NAV2: variants seen among roughly 807,000 people sequenced by gnomAD.
The protein encoded by NAV2 is neuron navigator 2.
NAV2 carries 54 observed loss-of-function variants against 223.2 expected under a neutral mutation model. The observed-to-expected ratio is 0.24, with a 90% confidence interval of 0.19 to 0.30. NAV2 has a LOEUF of 0.30. Ranked by LOEUF, NAV2 falls within the 10% of genes least tolerant of loss-of-function variation. NAV2 has a pLI of 1.00. For synonymous variants in NAV2, 1,279 were observed against 1,239.3 expected (o/e 1.03, Z -0.67); for missense variants, 2,806 against 3,147.5 (o/e 0.89, Z 2.60).
In NAV2 at chr11:19,763,938, G is replaced by A. The variant is rs557471604; in HGVS notation, c.267+49976G>A. On this transcript the variant is annotated intron_variant, in intron 1 of 37. Coordinates refer to ENST00000349880, the MANE Select transcript of NAV2 (RefSeq NM_145117.5). Reference sequence around the variant, plus strand: ...ATCTCTCTATCCATGGAGACCCCTCGGGTTAAAAATCCCAGTTAGTGGGTC... The same window carrying A: ...ATCTCTCTATCCATGGAGACCCCTCAGGTTAAAAATCCCAGTTAGTGGGTC... 2.0e-5 allele frequency among the ~76,000 whole-genome samples: 3 copies of A among 151,998 alleles called. No homozygotes were observed. In the East Asian group the frequency reaches 5.8e-4, roughly 29 times the overall value.
In NAV2 at chr11:20,047,506, A is replaced by T. The variant is rs554168232; in HGVS notation, c.3903-1222A>T. On this transcript the variant is annotated intron_variant, in intron 14 of 37. Transcript: ENST00000349880. ...GAGGAGCAATATGCAAAAGTCAGAA[A>T]AAAAAGTGGATGAGATTTGGGTTTC... Among the ~76,000 whole-genome samples, 10 of 152,344 alleles carry T rather than the reference A, an allele frequency of 6.6e-5. No individual in the cohort carries two copies. In the South Asian group the frequency reaches 2.1e-3, roughly 32 times the overall value.
At chr11:19,521,321 G>A (rs2043647915) in intron 1 of NAV2, among the ~76,000 whole-genome samples, 1 of 152,162 alleles carries the variant, frequency 6.6e-6, no homozygotes, top group African/African-American at 2.4e-5. Flanking sequence ...GGACCCAGAG[G>A]CCAGTCCCCA....
At chr11:19,384,266 T>G (rs1161155939) in intron 1 of NAV2, among the ~76,000 whole-genome samples, 1 of 152,250 alleles carries the variant, frequency 6.6e-6, no homozygotes, top group Non-Finnish European at 1.5e-5. Flanking sequence ...TTGTGTATTT[T>G]TCTTCTTTGG....
At chr11:20,070,025 G>A (rs1015957733) in intron 22 of NAV2, among the ~76,000 whole-genome samples, 11 of 152,012 alleles carry the variant, frequency 7.2e-5, no homozygotes, top group Admixed American at 3.9e-4. Flanking sequence ...AAACCCTAAC[G>A]TAGGAGACCA....
intron 32 of NAV2, 101 bp downstream of exon 32, chr11:20,101,273 C>T: frequency 1.0e-6 from 1 of 974,526 alleles, no homozygotes; most frequent in South Asian, 1.7e-5. Context: ...ATCAACAATC[C>T]TTGGGTGGTT....
At chr11:19,465,137 C>A (rs373261705) in intron 1 of NAV2, among the ~76,000 whole-genome samples, 1 of 152,180 alleles carries the variant, frequency 6.6e-6, no homozygotes, top group South Asian at 2.1e-4. Context: ...TACAGGGGAG[C>A]CTGGGAAACC....
At chr11:20,090,622 TCTAA>T (rs1397422278) in intron 26 of NAV2, among the ~76,000 whole-genome samples, 8 of 151,896 alleles carry the variant, frequency 5.3e-5, no homozygotes, top group African/African-American at 1.5e-4. Context: ...TAAATAATAA[TCTAA>T]CTATATTAAC....
At chr11:19,885,363 A>G (rs983016764) in intron 5 of NAV2, among the ~76,000 whole-genome samples, 1 of 152,214 alleles carries the variant, frequency 6.6e-6, no homozygotes, top group East Asian at 1.9e-4. Context: ...CAATTCTGGT[A>G]TCTCTGTGGT....
intron 1 of NAV2, among the ~76,000 whole-genome samples, chr11:19,754,162 G>A (rs749532059): frequency 6.6e-6 from 1 of 152,068 alleles, no homozygotes; most frequent in Non-Finnish European, 1.5e-5. Context: ...GGCCATTTGA[G>A]CTTTTCAATG....
At chr11:19,750,831 A>C (rs938935738) in intron 1 of NAV2, among the ~76,000 whole-genome samples, 25 of 152,202 alleles carry the variant, frequency 1.6e-4, no homozygotes, top group Non-Finnish European at 4.4e-5. Flanking sequence ...ATCCTTATTG[A>C]GTCGGCATTG....
At chr11:19,898,723 C>T (rs1344306233) in intron 6 of NAV2, among the ~76,000 whole-genome samples, 8 of 152,120 alleles carry the variant, frequency 5.3e-5, no homozygotes, top group East Asian at 1.9e-4. Flanking sequence ...TTCCTTAATA[C>T]TTCCAAATTT....
chr11:19,579,459 A>T (rs1754483621), intron 1 of NAV2, among the ~76,000 whole-genome samples: 1 of 152,146 alleles, frequency 6.6e-6, no homozygotes, highest in African/African-American at 2.4e-5. Context: ...AAGGGCCCTG[A>T]CAGTCATGGG....
chr11:19,369,917 C>A (rs1848414923), intron 1 of NAV2, among the ~76,000 whole-genome samples: 1 of 152,172 alleles, frequency 6.6e-6, no homozygotes, highest in African/African-American at 2.4e-5. Context: ...GGCTCTAAGA[C>A]CTGGTACAGG....
intron 1 of NAV2, among the ~76,000 whole-genome samples, chr11:19,661,332 G>T (rs908904769): frequency 2.6e-5 from 4 of 151,958 alleles, no homozygotes; most frequent in African/African-American, 9.7e-5. Flanking sequence ...ACCACATTTG[G>T]TGTATCCATT....
chr11:19,455,855 A>G (rs1167139724), intron 1 of NAV2, among the ~76,000 whole-genome samples: 1 of 152,260 alleles, frequency 6.6e-6, no homozygotes, highest in African/African-American at 2.4e-5. Flanking sequence ...GCAACGCACC[A>G]GAACCTACTG....
intron 1 of NAV2, among the ~76,000 whole-genome samples, chr11:19,516,601 G>A (rs1487918890): frequency 6.6e-6 from 1 of 152,224 alleles, no homozygotes; most frequent in Admixed American, 6.5e-5. Context: ...TTGTGGGACA[G>A]GAGCATGAGG....
At chr11:19,537,152 C>T (rs16936936) in intron 1 of NAV2, among the ~76,000 whole-genome samples, 6,072 of 152,100 alleles carry the variant, frequency 0.04, 417 homozygotes, top group African/African-American at 0.14. Flanking sequence ...AAAAAGAAAT[C>T]GAGGAGAACT....
At chr11:20,105,795 C>T (rs1592175024) in intron 35 of NAV2, 68 bp downstream of exon 35, 3 of 1,260,164 alleles carry the variant, frequency 2.4e-6, no homozygotes, top group Non-Finnish European at 3.4e-6. Context: ...GGGCCCTGGC[C>T]AGGACAGCAC....
intron 6 of NAV2, among the ~76,000 whole-genome samples, chr11:19,909,393 C>A (rs2043131118): frequency 6.6e-6 from 1 of 152,170 alleles, no homozygotes; most frequent in Non-Finnish European, 1.5e-5. Context: ...TCTGGAACCA[C>A]AGCATAGATA....
Sources: gnomAD v4.1 joint callset for allele counts (sites outside exome capture counted in the v4.1 genomes callset) on GRCh38, gnomAD v4.1.1 for gene constraint, MANE v1.5 for transcripts, NCBI Gene and HGNC (gene_info 2026-07-23, HGNC 2026-07-21) for gene names.